Variants in SCGN observed in about 807,000 individuals in gnomAD.
The protein encoded by SCGN is secretagogin, EF-hand calcium binding protein, also known as secretagogin.
SCGN carries 30 observed loss-of-function variants against 39.7 expected under a neutral mutation model. The observed-to-expected ratio is 0.76, with a 90% CI of 0.57 to 1.03. The LOEUF is 1.03. Among genes scored for constraint, SCGN ranks in the 50% least tolerant of loss-of-function variants. The pLI, the probability that SCGN is intolerant of heterozygous loss-of-function variation, is 0.00. For synonymous variants in SCGN, 106 were observed against 114.1 expected, an observed-to-expected ratio of 0.93 and a Z score of 0.45; for missense variants, 353 against 349.4, an observed-to-expected ratio of 1.01 and a Z score of -0.08.
chr6:25,683,405 A>G (rs999153827), intron 7 of SCGN, among the ~76,000 whole-genome samples: 2 of 152,230 alleles, frequency 1.3e-5, no homozygotes, highest in African/African-American at 2.4e-5. Flanking sequence ...GCCCTGACTC[A>G]GTTGTGCACG....
At chr6:25,682,433 G>A (rs1235113339) in intron 7 of SCGN, among the ~76,000 whole-genome samples, 2 of 152,098 alleles carry the variant, frequency 1.3e-5, no homozygotes, top group East Asian at 1.9e-4. Flanking sequence ...GTATCCTCAG[G>A]GAGGCACCAA....
intron 6 of SCGN, among the ~76,000 whole-genome samples, chr6:25,678,162 T>C (rs1232541775): frequency 6.6e-6 from 1 of 152,158 alleles, no homozygotes; most frequent in Non-Finnish European, 1.5e-5. Context: ...TAGTTAATTC[T>C]CAAAAATGTG....
At chr6:25,681,700 C>A (rs182099470) in intron 6 of SCGN, among the ~76,000 whole-genome samples, 2 of 152,148 alleles carry the variant, frequency 1.3e-5, no homozygotes, top group Non-Finnish European at 2.9e-5. Context: ...TGCCAGCTAA[C>A]CCTGTGAAAA....
In SCGN at chr6:25,660,677, G is replaced by T. The variant is rs1760320493; in HGVS notation, c.154-875G>T. 2.0e-5 allele frequency among the ~76,000 whole-genome samples: 3 copies of T among 152,338 alleles called. No individual in the cohort carries two copies. The East Asian group carries it at 5.8e-4, about 29-fold the overall frequency. Reference sequence around the variant, plus strand: ...GAACTGTCCTGTACACATGTGCATGGATGATGCATCCAGAGAGTGTGCTGA... The same window carrying T: ...GAACTGTCCTGTACACATGTGCATGTATGATGCATCCAGAGAGTGTGCTGA... On this transcript the variant is annotated intron_variant, in intron 2 of 10. Transcript: ENST00000377961.
chr6:25,691,167 T>G (rs771947807), intron 10 of SCGN, 43 bp downstream of exon 10: 10 of 1,405,606 alleles, frequency 7.1e-6, no homozygotes, highest in Non-Finnish European at 1.0e-5. Context: ...GTTGTTGTTT[T>G]GATTTATTCC....
intron 9 of SCGN, among the ~76,000 whole-genome samples, chr6:25,690,589 T>C (rs1410097074): frequency 6.6e-6 from 1 of 152,248 alleles, no homozygotes; most frequent in East Asian, 1.9e-4. Flanking sequence ...GGGTCTCATG[T>C]ACAGACCAAA....
At chr6:25,687,212 A>G (rs1759716283) in intron 7 of SCGN, among the ~76,000 whole-genome samples, 2 of 152,154 alleles carry the variant, frequency 1.3e-5, no homozygotes, top group South Asian at 4.1e-4. Flanking sequence ...CAGATTGTCA[A>G]TTTCTGCAAA....
intron 1 of SCGN, among the ~76,000 whole-genome samples, chr6:25,653,096 TTA>T (rs1760161942): frequency 6.6e-6 from 1 of 152,222 alleles, no homozygotes; most frequent in South Asian, 2.1e-4. Flanking sequence ...GGGTTAAATT[TTA>T]TTGGAAAGTT....
intron 7 of SCGN, among the ~76,000 whole-genome samples, chr6:25,687,226 A>C (rs1352084702): frequency 6.6e-6 from 1 of 152,144 alleles, no homozygotes; most frequent in Non-Finnish European, 1.5e-5. Flanking sequence ...CTGCAAAAAA[A>C]CCAATTCAGA....
At chr6:25,662,510 A>T (rs577987479) in intron 3 of SCGN, among the ~76,000 whole-genome samples, 3 of 152,200 alleles carry the variant, frequency 2.0e-5, no homozygotes, top group African/African-American at 7.2e-5. Flanking sequence ...CCTGTTAGAC[A>T]TATTACCTAA....
At chr6:25,666,608 A>G (rs1331719625) in intron 4 of SCGN, among the ~76,000 whole-genome samples, 1 of 152,250 alleles carries the variant, frequency 6.6e-6, no homozygotes, top group Non-Finnish European at 1.5e-5. Flanking sequence ...GATTCATTAG[A>G]GAAAAACTCC....
chr6:25,668,442 G>T (rs1188023937), intron 4 of SCGN, among the ~76,000 whole-genome samples: 2 of 152,322 alleles, frequency 1.3e-5, no homozygotes, highest in African/African-American at 4.8e-5. Flanking sequence ...AATAAGAGGA[G>T]TAGCTTATAA....
intron 1 of SCGN, 50 bp downstream of exon 1, chr6:25,652,535 C>T (rs764642077): frequency 4.5e-6 from 7 of 1,562,352 alleles, no homozygotes; most frequent in Non-Finnish European, 6.2e-6. Context: ...TGGCTCCAAG[C>T]TCAGCCCGCT....
At chr6:25,678,100 G>C (rs1393969235) in intron 6 of SCGN, among the ~76,000 whole-genome samples, 1 of 152,212 alleles carries the variant, frequency 6.6e-6, no homozygotes, top group Non-Finnish European at 1.5e-5. Flanking sequence ...TAAGGCATTT[G>C]TTAATAAGAC....
At chr6:25,668,611 T>G (rs1327417133) in intron 4 of SCGN, among the ~76,000 whole-genome samples, 1 of 152,228 alleles carries the variant, frequency 6.6e-6, no homozygotes, top group Non-Finnish European at 1.5e-5. Context: ...AATCTAATTT[T>G]CCACCTGTGT....
At chr6:25,669,642 C>A (rs530248583) in intron 5 of SCGN, 75 bp downstream of exon 5, 10 of 1,227,150 alleles carry the variant, frequency 8.1e-6, no homozygotes, top group Admixed American at 1.7e-5. Flanking sequence ...AGTTTGATTT[C>A]TGTGGGCCCA....
At chr6:25,699,173 C>T (rs1759875750) in intron 10 of SCGN, among the ~76,000 whole-genome samples, 1 of 152,152 alleles carries the variant, frequency 6.6e-6, no homozygotes. Context: ...AATCAAGGGG[C>T]TTGGAAATTT....
At chr6:25,693,451 C>CAAAAAAA (rs11376402) in intron 10 of SCGN, among the ~76,000 whole-genome samples, 1 of 48,414 alleles carries the variant, frequency 2.1e-5, no homozygotes, top group African/African-American at 7.9e-5. Flanking sequence ...GACTCCGTCT[C>CAAAAAAA]AAAAAAAAAA....
chr6:25,675,144 C>T lies in SCGN; in HGVS notation c.471+5068C>T, dbSNP rs148249855. On this transcript the variant is annotated intron_variant, in intron 6 of 10. Transcript: ENST00000377961. ...AGTCTTGATAATATTATCTAACGTT[C>T]TCTGGAGACTTTCCCAGCACTCCCT... Among the ~76,000 whole-genome samples, 9 of 152,314 alleles carry T rather than the reference C, an allele frequency of 5.9e-5. No homozygotes were observed. The East Asian group carries it at 1.7e-3, about 29-fold the overall frequency.
Sources: allele counts gnomAD v4.1 joint callset (sites outside exome capture counted in the v4.1 genomes callset), GRCh38; gene constraint gnomAD v4.1.1; transcripts MANE v1.5; gene names NCBI Gene and HGNC (gene_info 2026-07-23, HGNC 2026-07-21).